Variants in PLXNA2 observed in about 807,000 individuals in gnomAD.
The protein encoded by PLXNA2 is plexin A2, also known as plexin-A2.
Under a neutral mutation model 193.5 loss-of-function variants are expected in PLXNA2, and 91 were observed. The ratio of observed to expected loss-of-function variants is 0.47; its 90% CI spans 0.40 to 0.56. The LOEUF is 0.56. Ranked by LOEUF, PLXNA2 falls within the 20% of genes least tolerant of loss-of-function variation. The pLI, the probability that PLXNA2 is intolerant of heterozygous loss-of-function variation, is 0.00. For missense variants in PLXNA2, 1,995 were observed against 2,503.2 expected, an observed-to-expected ratio of 0.80 and a Z score of 4.33; for synonymous variants, 997 against 1,027.3, an observed-to-expected ratio of 0.97 and a Z score of 0.56.
intron 4 of PLXNA2, among the ~76,000 whole-genome samples, chr1:208,111,899 G>A (rs1460848130): frequency 1.3e-5 from 2 of 152,186 alleles, no homozygotes; most frequent in African/African-American, 4.8e-5. Context: ...AAAAACAGCT[G>A]GAGGTTCCGG....
At chr1:208,061,805 C>T (rs1665629445) in intron 12 of PLXNA2, among the ~76,000 whole-genome samples, 1 of 152,190 alleles carries the variant, frequency 6.6e-6, no homozygotes, top group African/African-American at 2.4e-5. Flanking sequence ...AGTAAGTTCA[C>T]ACTTTGTGGC....
intron 4 of PLXNA2, among the ~76,000 whole-genome samples, chr1:208,110,639 T>C (rs1667433371): frequency 6.6e-6 from 1 of 152,230 alleles, no homozygotes. Flanking sequence ...AGTCCCATTT[T>C]ACCTATTAGA....
intron 4 of PLXNA2, among the ~76,000 whole-genome samples, chr1:208,135,260 C>T (rs1347092065): frequency 6.6e-6 from 1 of 152,182 alleles, no homozygotes; most frequent in Admixed American, 6.5e-5. Context: ...AGCTGACAGT[C>T]TCCTTGCCCC....
chr1:208,186,708 A>ATTTTGTTTTTTGT (rs368056918), intron 3 of PLXNA2, among the ~76,000 whole-genome samples: 3 of 111,698 alleles, frequency 2.7e-5, no homozygotes, highest in African/African-American at 9.0e-5. Context: ...TTGCAATGTT[A>ATTTTGTTTTTTGT]TTTTATTTTT....
chr1:208,130,585 C>T lies in PLXNA2; in HGVS notation c.1506+11744G>A, dbSNP rs190649546. On this transcript the variant is annotated intron_variant, in intron 4 of 31. Transcript: ENST00000367033. ...GAAGGAATGCACCCAATGTCATTGC[C>T]GCAAGGGGCATTCAAACACATTTTA... is the stretch of plus-strand genomic sequence containing the variant. Among the ~76,000 whole-genome samples, 25 of 152,274 alleles carry T rather than the reference C, an allele frequency of 1.6e-4. No homozygotes were observed. In the East Asian group the frequency reaches 4.1e-3, roughly 25 times the overall value.
intron 3 of PLXNA2, among the ~76,000 whole-genome samples, chr1:208,202,492 A>T (rs114241296): frequency 0.012 from 1,757 of 152,230 alleles, 38 homozygotes; most frequent in African/African-American, 0.038. Flanking sequence ...TCAGGACTGG[A>T]TCTCTCCAAA....
intron 17 of PLXNA2, among the ~76,000 whole-genome samples, chr1:208,049,527 C>T (rs1412782127): frequency 6.6e-6 from 1 of 152,126 alleles, no homozygotes; most frequent in African/African-American, 2.4e-5. Flanking sequence ...ATGGTGGATA[C>T]TGAAGGTGTG....
At chr1:208,233,381 A>C (rs1671751198) in intron 1 of PLXNA2, among the ~76,000 whole-genome samples, 1 of 152,154 alleles carries the variant, frequency 6.6e-6, no homozygotes, top group African/African-American at 2.4e-5. Context: ...TATGCAGACA[A>C]ATGTTGCCTC....
intron 3 of PLXNA2, among the ~76,000 whole-genome samples, chr1:208,169,019 C>T (rs898219409): frequency 6.6e-6 from 1 of 152,112 alleles, no homozygotes; most frequent in East Asian, 1.9e-4. Context: ...CCAAGCTGAT[C>T]ATCCACCCGG....
rs150061017 is a variant in PLXNA2, at chr1:208,227,274, T to C, written c.-80-9272A>G. ...GAGTAGCTACTATTATTATTATTTA[T>C]TAACCACCTGCTACATGACACGCTA... On this transcript the variant is annotated intron_variant, in intron 1 of 31. Coordinates refer to ENST00000367033, the MANE Select transcript of PLXNA2 (RefSeq NM_025179.4). Among the ~76,000 whole-genome samples, 647 of 152,342 alleles carry C rather than the reference T, an allele frequency of 4.2e-3. 6 individuals carry two copies. Among genetic ancestry groups the C allele is most frequent in the African/African-American group, 0.015 (624 of 41,578 alleles).
Position 208,044,717 on chromosome 1 carries a change from G to A in PLXNA2, c.3665C>T (p.Ser1222Leu), listed in dbSNP as rs866518301. Residue 1222 changes from serine (S) to leucine (L), a missense_variant, in exon 20 of 32, where the codon TCG becomes TTG. Coordinates refer to ENST00000367033, the MANE Select transcript of PLXNA2 (RefSeq NM_025179.4). This position sits in a 1 kb window ranked among gnomAD's most constrained non-coding sequence, Gnocchi z 4.9. The stretch of plus-strand genomic sequence containing the variant: ...TGAGATGACACTCACCGAGCCAGGC[G>A]AGAACACCATCCCGCCCACGTGAAC... ...VMVHVGGMVF[S>L]PGSVSVISDS... is the part of the protein sequence containing the mutation. 1 of 1,613,938 alleles carries A rather than the reference G, an allele frequency of 6.2e-7. No individual in the cohort carries two copies. Among genetic ancestry groups the A allele is most frequent in the Non-Finnish European group, 8.5e-7 (1 of 1,179,964 alleles).
intron 8 of PLXNA2, among the ~76,000 whole-genome samples, chr1:208,093,156 G>A (rs777540903): frequency 6.6e-6 from 1 of 152,226 alleles, no homozygotes; most frequent in African/African-American, 2.4e-5. Context: ...ATAAGCTCAT[G>A]AGAACTGATT....
intron 9 of PLXNA2, among the ~76,000 whole-genome samples, chr1:208,087,847 G>C (rs1666581185): frequency 6.6e-6 from 1 of 152,134 alleles, no homozygotes; most frequent in Admixed American, 6.5e-5. Context: ...TGGGGCTTGA[G>C]GATGGTGAAG....
At chr1:208,117,551 C>T (rs1001531372) in intron 4 of PLXNA2, among the ~76,000 whole-genome samples, 41 of 152,292 alleles carry the variant, frequency 2.7e-4, no homozygotes, top group Non-Finnish European at 3.8e-4. Flanking sequence ...TGGAAAATCA[C>T]GGCCAAGAGG....
intron 4 of PLXNA2, among the ~76,000 whole-genome samples, chr1:208,134,593 A>G (rs577465654): frequency 1.3e-5 from 2 of 152,248 alleles, no homozygotes; most frequent in South Asian, 2.1e-4. Flanking sequence ...AATTCTCCCC[A>G]AAGTCCCTCA....
At position 208,151,314 on chromosome 1, in the gene PLXNA2, C is replaced by T. The variant is rs571061577; in HGVS notation, c.1372-8851G>A. On this transcript the variant is annotated intron_variant, in intron 3 of 31. Transcript: ENST00000367033. The stretch of plus-strand genomic sequence containing the variant: ...GGGCACTCGGAATCTCCATTCAAGG[C>T]ACTGCACACAGGTTCCTTTCCTGGA... 2.6e-5 allele frequency among the ~76,000 whole-genome samples: 4 copies of T among 152,292 alleles called. No individual in the cohort carries two copies. In the South Asian group the frequency reaches 8.3e-4, roughly 32 times the overall value.
chr1:208,071,729 G>A (rs534218954), intron 12 of PLXNA2, among the ~76,000 whole-genome samples: 12 of 152,268 alleles, frequency 7.9e-5, no homozygotes, highest in East Asian at 1.9e-4. Flanking sequence ...ACCATCCCCT[G>A]TTAGCTGTTT....
At chr1:208,108,759 C>T (rs1004211742) in intron 4 of PLXNA2, among the ~76,000 whole-genome samples, 4 of 152,168 alleles carry the variant, frequency 2.6e-5, no homozygotes, top group African/African-American at 9.7e-5. Flanking sequence ...GAGAACAAAA[C>T]CAAGGAAATA....
Position 208,182,607 on chromosome 1 carries a change from G to A in PLXNA2, c.1371+27673C>T, listed in dbSNP as rs145648137. 7.0e-3 allele frequency among the ~76,000 whole-genome samples: 1,065 copies of A among 152,014 alleles called. 14 individuals carry two copies. The highest frequency in any genetic ancestry group is 0.023 in the African/African-American group (934 of 41,484). On this transcript the variant is annotated intron_variant, in intron 3 of 31. Coordinates refer to ENST00000367033, the MANE Select transcript of PLXNA2 (RefSeq NM_025179.4). ...AGCTCCGGAAGGGCCTTATGAGGCC[G>A]TCTCCTCATTTTGCAGATAGGAAAA...
Sources: gnomAD v4.1 joint callset for allele counts (sites outside exome capture counted in the v4.1 genomes callset) on GRCh38, gnomAD v4.1.1 for gene constraint, Gnocchi (gnomAD v3.1) non-coding constraint, MANE v1.5 for transcripts, NCBI Gene and HGNC (gene_info 2026-07-23, HGNC 2026-07-21) for gene names.